The following LPP variants were observed in gnomAD, a reference collection of about 807,000 sequenced individuals.
The protein encoded by LPP is lipoma-preferred partner.
A neutral mutation model predicts 60.4 loss-of-function variants in LPP; 38 were observed. The observed-to-expected ratio is 0.63, with a 90% CI of 0.49 to 0.83. The LOEUF (loss-of-function observed/expected upper bound fraction) is 0.83, where lower values mean the gene tolerates loss of function less well. LPP is among the 40% of genes least tolerant of loss of function. The pLI, the probability that LPP is intolerant of heterozygous loss-of-function variation, is 0.00. For missense variants in LPP, 902 were observed against 783.6 expected, an observed-to-expected ratio of 1.15 and a Z score of -1.80; for synonymous variants, 328 against 290.8, an observed-to-expected ratio of 1.13 and a Z score of -1.30.
At chr3:188,251,043 TTCTC>T (rs1729429569) in intron 2 of LPP, among the ~76,000 whole-genome samples, 1 of 113,000 alleles carries the variant, frequency 8.8e-6, no homozygotes, top group South Asian at 3.7e-4. Flanking sequence ...CCCCTTTTCT[TTCTC>T]TCTCTTTCTC....
intron 7 of LPP, among the ~76,000 whole-genome samples, chr3:188,637,270 A>G (rs1403525536): frequency 1.3e-5 from 2 of 152,184 alleles, no homozygotes; most frequent in African/African-American, 4.8e-5. Context: ...ACTACTGGGT[A>G]TATAACGAAA....
intron 1 of LPP, among the ~76,000 whole-genome samples, chr3:188,163,409 TAC>T (rs532377798): frequency 3.3e-5 from 5 of 152,154 alleles, no homozygotes; most frequent in Non-Finnish European, 7.3e-5. Context: ...GTCCCTTAAT[TAC>T]TCAGGCCACC....
chr3:188,553,818 C>A (rs559991321), intron 6 of LPP: 1 of 152,200 alleles, frequency 6.6e-6, no homozygotes, highest in Non-Finnish European at 1.5e-5. Flanking sequence ...GAATCAACCT[C>A]AAAGGAGATG....
At chr3:188,320,168 GTTTTA>G (rs759826048) in intron 2 of LPP, among the ~76,000 whole-genome samples, 126 of 152,182 alleles carry the variant, frequency 8.3e-4, no homozygotes, top group Middle Eastern at 3.4e-3. Context: ...GGCCAGTTTT[GTTTTA>G]TTTTATTTTT....
chr3:188,785,883 T>A (rs1006718501), intron 9 of LPP, among the ~76,000 whole-genome samples: 23 of 152,048 alleles, frequency 1.5e-4, no homozygotes, highest in African/African-American at 4.1e-4. Flanking sequence ...GTCCAGTCTC[T>A]CTGGGATCAT....
At chr3:188,668,886 A>G (rs138795907) in intron 7 of LPP, among the ~76,000 whole-genome samples, 7 of 152,204 alleles carry the variant, frequency 4.6e-5, no homozygotes, top group African/African-American at 1.4e-4. Context: ...TGTCTCCACG[A>G]TTTTCCTGGA....
chr3:188,370,889 G>A (rs1168268123), intron 3 of LPP, among the ~76,000 whole-genome samples: 3 of 152,102 alleles, frequency 2.0e-5, no homozygotes, highest in East Asian at 1.9e-4. Flanking sequence ...CTTGGCTGTC[G>A]CAGCTTTGTT....
In LPP at chr3:188,886,541, T is replaced by G. The variant is rs1314702537; in HGVS notation, c.*12062T>G. 5 of 197,400 alleles carry G rather than the reference T, an allele frequency of 2.5e-5. No homozygotes were observed. The East Asian group carries it at 3.9e-4, about 15-fold the overall frequency. 12.2% of individuals were successfully genotyped at this position (197,400 alleles called of 1,614,324 possible). On this transcript the variant is annotated 3_prime_UTR_variant, in exon 12 of 12. Coordinates refer to ENST00000617246, the MANE Select transcript of LPP (RefSeq NM_001375462.1). The stretch of plus-strand genomic sequence containing the variant: ...CTCATCAGAGGGAATAAAAAGACAA[T>G]GAGGTGGTAAATGTGAAAAAAGCAG...
intron 2 of LPP, among the ~76,000 whole-genome samples, chr3:188,268,694 T>G (rs9868086): frequency 0.11 from 17,316 of 152,216 alleles, 1,332 homozygotes; most frequent in African/African-American, 0.21. Flanking sequence ...ACGCCCAAGT[T>G]CACAGTTAGG....
intron 5 of LPP, among the ~76,000 whole-genome samples, chr3:188,505,409 C>G (rs1012630872): frequency 1.3e-5 from 2 of 152,150 alleles, no homozygotes; most frequent in Non-Finnish European, 2.9e-5. Context: ...CTTTGACCTT[C>G]CGTTTTCTCT....
At chr3:188,254,799 T>TG (rs1731096810) in intron 2 of LPP, among the ~76,000 whole-genome samples, 4 of 152,252 alleles carry the variant, frequency 2.6e-5, no homozygotes, top group South Asian at 4.1e-4. Flanking sequence ...GGCAACTGTA[T>TG]GGGCGCCCTC....
At chr3:188,843,601 A>C (rs28514852) in intron 9 of LPP, among the ~76,000 whole-genome samples, 115,234 of 149,752 alleles carry the variant, frequency 0.77, 45,353 homozygotes, top group African/African-American at 0.93. Context: ...TCCCGGCTAA[A>C]ACGGTGAAAC....
At chr3:188,438,124 G>C (rs1792806791) in intron 4 of LPP, among the ~76,000 whole-genome samples, 1 of 152,072 alleles carries the variant, frequency 6.6e-6, no homozygotes, top group African/African-American at 2.4e-5. Flanking sequence ...TTTTGGACTG[G>C]ATCATGTCGT....
At chr3:188,408,998 G>A (rs945278281) in intron 4 of LPP, among the ~76,000 whole-genome samples, 11 of 152,026 alleles carry the variant, frequency 7.2e-5, no homozygotes, top group African/African-American at 2.4e-4. Context: ...TTTCTCACTC[G>A]TCCTTATGTT....
At chr3:188,177,028 G>A (rs888519216) in intron 1 of LPP, among the ~76,000 whole-genome samples, 1 of 152,236 alleles carries the variant, frequency 6.6e-6, no homozygotes, top group African/African-American at 2.4e-5. Flanking sequence ...GCTAGAGGAA[G>A]GATAGAAATT....
chr3:188,868,969 A>G (rs923435840), intron 10 of LPP, among the ~76,000 whole-genome samples: 2 of 152,192 alleles, frequency 1.3e-5, no homozygotes, highest in Non-Finnish European at 2.9e-5. Context: ...ACAGGGAGAA[A>G]GGGCTGAACT....
At chr3:188,564,963 G>A (rs1057318532) in intron 6 of LPP, among the ~76,000 whole-genome samples, 16 of 151,882 alleles carry the variant, frequency 1.1e-4, no homozygotes, top group African/African-American at 3.9e-4. Flanking sequence ...ATCCTACGCC[G>A]TGTGTCTCTG....
At chr3:188,580,118 A>G (rs10937357) in intron 6 of LPP, among the ~76,000 whole-genome samples, 21,065 of 152,160 alleles carry the variant, frequency 0.14, 1,657 homozygotes, top group South Asian at 0.28. Flanking sequence ...ACTACCGTGC[A>G]ATAACTGAAT....
rs183308181 is a variant in LPP at position 188,338,477 on chromosome 3, G to C, written c.-66-3186G>C. Among the ~76,000 whole-genome samples, 22 of 152,322 alleles carry C rather than the reference G, an allele frequency of 1.4e-4. No individual in the cohort carries two copies. The East Asian group carries it at 4.2e-3, about 29-fold the overall frequency. ...ACCTCTGTTGCCACATGAAACTTATGAAAATGACCAAATTATTATTGGCCT... is the reference window on the plus strand; with the variant it reads ...ACCTCTGTTGCCACATGAAACTTATCAAAATGACCAAATTATTATTGGCCT... On this transcript the variant is annotated intron_variant, in intron 2 of 11. Coordinates refer to ENST00000617246, the MANE Select transcript of LPP (RefSeq NM_001375462.1).
Sources: allele counts gnomAD v4.1 joint callset (sites outside exome capture counted in the v4.1 genomes callset), GRCh38; gene constraint gnomAD v4.1.1; transcripts MANE v1.5; gene names NCBI Gene and HGNC (gene_info 2026-07-23, HGNC 2026-07-21).